MCTP1: variants seen among roughly 807,000 people sequenced by gnomAD.
MCTP1 encodes multiple C2 and transmembrane domain-containing protein 1.
Under a neutral mutation model 120.6 loss-of-function variants are expected in MCTP1, and 69 were observed. The observed-to-expected ratio is 0.57, with a 90% CI of 0.47 to 0.70. The LOEUF is 0.70. Among genes scored for constraint, MCTP1 ranks in the 30% least tolerant of loss-of-function variants. The pLI is 0.00. For synonymous variants in MCTP1, 529 were observed against 493.1 expected (o/e 1.07, Z -0.96); for missense variants, 1,203 against 1,248.8 (o/e 0.96, Z 0.55).
chr5:94,836,054 C>T (rs905292305), intron 17 of MCTP1, among the ~76,000 whole-genome samples: 57 of 151,792 alleles, frequency 3.8e-4, no homozygotes, highest in African/African-American at 1.3e-3. Flanking sequence ...GTGGCACGCA[C>T]CTATAGTCCC....
rs116186080 is a variant in MCTP1, at chr5:95,097,291, T to A, written c.721-79807A>T. Among the ~76,000 whole-genome samples the A allele has an allele frequency of 8.8e-3, 1,344 of 152,198 alleles. 7 individuals are homozygous for A. Among genetic ancestry groups the A allele is most frequent in the Middle Eastern group, 0.014 (4 of 294 alleles). ...AATGTGATAATGAGGGAGTGACACA[T>A]GAGGACAGAGAATAGCTTGGGCTAG... On this transcript the variant is annotated intron_variant, in intron 1 of 22. Transcript: ENST00000515393.
chr5:95,004,065 C>G (rs573954356), intron 2 of MCTP1, among the ~76,000 whole-genome samples: 1 of 152,182 alleles, frequency 6.6e-6, no homozygotes, highest in African/African-American at 2.4e-5. Flanking sequence ...AGGTGAGAAA[C>G]TCATTTGGAA....
intron 2 of MCTP1, among the ~76,000 whole-genome samples, chr5:95,010,043 T>G (rs374315425): frequency 6.6e-6 from 1 of 152,132 alleles, no homozygotes; most frequent in South Asian, 2.1e-4. Flanking sequence ...AAGGGTGATA[T>G]GAGACATAGG....
At chr5:94,826,934 T>C (rs1222710030) in intron 17 of MCTP1, among the ~76,000 whole-genome samples, 3 of 152,030 alleles carry the variant, frequency 2.0e-5, no homozygotes, top group East Asian at 3.9e-4. Flanking sequence ...AATTTGCCAA[T>C]CTGTGTCTTT....
At chr5:95,241,635 A>G (rs1002655782) in intron 1 of MCTP1, among the ~76,000 whole-genome samples, 1 of 152,206 alleles carries the variant, frequency 6.6e-6, no homozygotes, top group African/African-American at 2.4e-5. Context: ...CTATTTGCTC[A>G]AAGTTCTCCC....
intron 3 of MCTP1, 54 bp downstream of exon 3, chr5:94,953,165 A>C (rs1424453228): frequency 6.6e-7 from 1 of 1,508,366 alleles, no homozygotes; most frequent in African/African-American, 1.4e-5. Context: ...AAAACCCAGT[A>C]AACAGGGATT....
rs116622304 is a variant in MCTP1 at position 94,848,937 on chromosome 5, T to C, written c.2436+19396A>G. 3.2e-4 allele frequency among the ~76,000 whole-genome samples: 48 copies of C among 151,968 alleles called. 1 individual carries two copies. The highest frequency in any genetic ancestry group is 1.1e-3 in the African/African-American group (47 of 41,524). ...CTTAAAATACTAACAATTTGAAATATGTTGACATAGTTTTGATAAAAGGTT... is the reference window on the plus strand; with the variant it reads ...CTTAAAATACTAACAATTTGAAATACGTTGACATAGTTTTGATAAAAGGTT... On this transcript the variant is annotated intron_variant, in intron 17 of 22. Transcript: ENST00000515393.
intron 1 of MCTP1, among the ~76,000 whole-genome samples, chr5:95,191,705 T>C (rs1469482643): frequency 2.6e-5 from 4 of 152,038 alleles, no homozygotes; most frequent in South Asian, 2.1e-4. Flanking sequence ...AATAGTATGT[T>C]ACTAACAAAT....
intron 1 of MCTP1, among the ~76,000 whole-genome samples, chr5:95,029,824 G>C (rs1839959722): frequency 1.3e-5 from 2 of 152,154 alleles, no homozygotes; most frequent in Non-Finnish European, 2.9e-5. Context: ...GTGCCATACT[G>C]ATTGTACACT....
At chr5:94,815,402 C>A (rs1286848275) in intron 17 of MCTP1, among the ~76,000 whole-genome samples, 1 of 152,172 alleles carries the variant, frequency 6.6e-6, no homozygotes, top group Non-Finnish European at 1.5e-5. Flanking sequence ...CTCTATCTAT[C>A]AATTGCTGCA....
intron 1 of MCTP1, among the ~76,000 whole-genome samples, chr5:95,175,134 T>A (rs1747812956): frequency 6.6e-6 from 1 of 152,242 alleles, no homozygotes; most frequent in African/African-American, 2.4e-5. Context: ...ATTGCACTTT[T>A]AAATCAATTT....
chr5:95,276,103 G>GT (rs1460983854), intron 1 of MCTP1, among the ~76,000 whole-genome samples: 9 of 151,974 alleles, frequency 5.9e-5, no homozygotes, highest in Admixed American at 5.2e-4. Flanking sequence ...AGGATTTGGG[G>GT]TTTTTTAACT....
At chr5:95,196,031 G>C (rs536775152) in intron 1 of MCTP1, among the ~76,000 whole-genome samples, 1 of 152,104 alleles carries the variant, frequency 6.6e-6, no homozygotes, top group South Asian at 2.1e-4. Flanking sequence ...GGCCAAATAG[G>C]AGACCACTGA....
chr5:94,925,198 A>G (rs1812738363), intron 6 of MCTP1, among the ~76,000 whole-genome samples: 1 of 152,230 alleles, frequency 6.6e-6, no homozygotes, highest in Admixed American at 6.5e-5. Context: ...GATAATAACA[A>G]TAACAACAAC....
intron 1 of MCTP1, among the ~76,000 whole-genome samples, chr5:95,050,360 A>G (rs1346901227): frequency 6.6e-6 from 1 of 152,216 alleles, no homozygotes. Context: ...TTTATTTGAA[A>G]TTATAACTTA....
At chr5:94,788,610 T>C (rs143663026) in intron 18 of MCTP1, among the ~76,000 whole-genome samples, 4 of 152,230 alleles carry the variant, frequency 2.6e-5, no homozygotes, top group African/African-American at 9.6e-5. Context: ...TGATCAAGAC[T>C]AGAAATGCAA....
intron 17 of MCTP1, among the ~76,000 whole-genome samples, chr5:94,842,961 T>C (rs1791462523): frequency 6.6e-6 from 1 of 152,086 alleles, no homozygotes; most frequent in East Asian, 1.9e-4. Context: ...ACTCTCTTAT[T>C]TTAATGATAC....
intron 10 of MCTP1, among the ~76,000 whole-genome samples, chr5:94,901,431 T>C (rs542723570): frequency 6.6e-6 from 1 of 152,158 alleles, no homozygotes; most frequent in African/African-American, 2.4e-5. Context: ...ATTTTAGAGT[T>C]ACTTTCCCTC....
intron 1 of MCTP1, among the ~76,000 whole-genome samples, chr5:95,247,075 A>T (rs567598678): frequency 6.6e-6 from 1 of 152,074 alleles, no homozygotes; most frequent in African/African-American, 2.4e-5. Context: ...CAGATCTGTT[A>T]TTGGTCTATT....
Sources: gnomAD v4.1 joint callset for allele counts (sites outside exome capture counted in the v4.1 genomes callset) on GRCh38, gnomAD v4.1.1 for gene constraint, MANE v1.5 for transcripts, NCBI Gene and HGNC (gene_info 2026-07-23, HGNC 2026-07-21) for gene names.